The following CALD1 variants were observed in gnomAD, a reference collection of about 807,000 sequenced individuals.
CALD1 encodes caldesmon.
Under a neutral mutation model 99.9 loss-of-function variants are expected in CALD1, and 33 were observed. The ratio of observed to expected loss-of-function variants is 0.33; its 90% CI spans 0.25 to 0.44. The LOEUF is 0.44. CALD1 is among the 20% of genes least tolerant of loss of function. The pLI is 1.00. For missense variants in CALD1, 861 were observed against 962.1 expected (o/e 0.89, Z 1.39); for synonymous variants, 310 against 325.0 (o/e 0.95, Z 0.50).
At chr7:134,789,847 C>T (rs1303669111) in intron 1 of CALD1, among the ~76,000 whole-genome samples, 1 of 152,112 alleles carries the variant, frequency 6.6e-6, no homozygotes, top group East Asian at 1.9e-4. Flanking sequence ...GCACGAACCT[C>T]GCTGCTCTAC....
intron 3 of CALD1, among the ~76,000 whole-genome samples, chr7:134,910,228 G>GT (rs1410701246): frequency 2.7e-4 from 41 of 152,284 alleles, no homozygotes; most frequent in African/African-American, 9.9e-4. Flanking sequence ...TACCAAGTAG[G>GT]TTAAACTAAC....
intron 1 of CALD1, among the ~76,000 whole-genome samples, chr7:134,770,033 T>G (rs1796864295): frequency 6.6e-6 from 1 of 152,202 alleles, no homozygotes; most frequent in Admixed American, 6.5e-5. Context: ...TGAACAGAAA[T>G]TTTTATTTCT....
In CALD1 at chr7:134,769,209, C is replaced by T. The variant is rs188310573; in HGVS notation, c.-130+24846C>T. ...TGTTTTTACTACTGCAAACAATGCT[C>T]GAATGAGCTTCCTTTGACATGTCTC... is the stretch of plus-strand genomic sequence containing the variant. On this transcript the variant is annotated intron_variant, in intron 1 of 13. Coordinates refer to the CALD1 transcript ENST00000417172. 2.7e-3 allele frequency among the ~76,000 whole-genome samples: 414 copies of T among 152,124 alleles called. 3 individuals are homozygous for T. Among genetic ancestry groups the T allele is most frequent in the Non-Finnish European group, 3.0e-3 (202 of 68,010 alleles).
intron 1 of CALD1, among the ~76,000 whole-genome samples, chr7:134,814,664 C>T (rs1055981812): frequency 1.3e-5 from 2 of 152,106 alleles, no homozygotes; most frequent in African/African-American, 4.8e-5. Context: ...TATTCCATAC[C>T]TTGTTTAATG....
intron 1 of CALD1, among the ~76,000 whole-genome samples, chr7:134,821,642 G>GTGTGA (rs1798786119): frequency 8.9e-6 from 1 of 112,474 alleles, no homozygotes; most frequent in Non-Finnish European, 1.9e-5. Flanking sequence ...GAGTGCAATG[G>GTGTGA]CACAATCTTG....
Position 134,965,396 on chromosome 7 carries a change from T to C in CALD1, c.2376+10T>C, listed in dbSNP as rs188104536. On this transcript the variant is annotated intron_variant, in intron 14 of 14. Coordinates refer to ENST00000361675, the MANE Select transcript of CALD1 (RefSeq NM_033138.4). ...CACTTCCCCCACTAAGGTAATCTATTGGGAAGACTAGTATTTCAGAGGTTT... is the reference window on the plus strand; with the variant it reads ...CACTTCCCCCACTAAGGTAATCTATCGGGAAGACTAGTATTTCAGAGGTTT... The C allele has an allele frequency of 9.3e-5, 123 of 1,317,474 alleles. No homozygotes were observed. The African/African-American group carries it at 1.6e-3, about 17-fold the overall frequency. 81.6% of individuals were successfully genotyped at this position (1,317,474 alleles called of 1,614,324 possible).
chr7:134,954,577 A>G (rs187348617), intron 9 of CALD1, among the ~76,000 whole-genome samples: 11 of 152,340 alleles, frequency 7.2e-5, no homozygotes, highest in East Asian at 1.9e-4. Context: ...AAGTCAGGCT[A>G]TGTTAGCTAT....
chr7:134,846,187 G>A (rs183623265), intron 2 of CALD1, among the ~76,000 whole-genome samples: 9 of 152,312 alleles, frequency 5.9e-5, no homozygotes, highest in Non-Finnish European at 1.0e-4. Context: ...GAGGCAGGTC[G>A]TTTTCAGGGT....
the CALD1 span, among the ~76,000 whole-genome samples, chr7:134,712,021 GGGAGAGAGGGAGGGAA>G: frequency 2.7e-4 from 34 of 126,820 alleles, no homozygotes; most frequent in Non-Finnish European, 4.2e-4. Context: ...GAGGGAAGGA[GGGAGAGAGGGAGGGAA>G]GGAGGGAGAG....
At chr7:134,747,308 G>A (rs1796643300) in intron 1 of CALD1, among the ~76,000 whole-genome samples, 1 of 152,124 alleles carries the variant, frequency 6.6e-6, no homozygotes, top group African/African-American at 2.4e-5. Flanking sequence ...CTCAGAGGAT[G>A]TTTCATACTA....
intron 1 of CALD1, among the ~76,000 whole-genome samples, chr7:134,803,149 G>A (rs1342219394): frequency 1.3e-5 from 2 of 152,006 alleles, no homozygotes; most frequent in Admixed American, 6.6e-5. Context: ...AATGATATTC[G>A]GCATATTTTT....
At chr7:134,876,210 G>A (rs938431098) in intron 3 of CALD1, among the ~76,000 whole-genome samples, 1 of 152,116 alleles carries the variant, frequency 6.6e-6, no homozygotes, top group African/African-American at 2.4e-5. Context: ...CCTGGGGGCC[G>A]ATGCCTTCTG....
At chr7:134,747,303 A>T (rs1200704855) in intron 1 of CALD1, among the ~76,000 whole-genome samples, 1 of 152,202 alleles carries the variant, frequency 6.6e-6, no homozygotes, top group Non-Finnish European at 1.5e-5. Context: ...CCAGCCTCAG[A>T]GGATGTTTCA....
intron 8 of CALD1, among the ~76,000 whole-genome samples, chr7:134,949,963 T>C (rs1223673371): frequency 2.0e-5 from 3 of 152,114 alleles, no homozygotes; most frequent in Admixed American, 2.0e-4. Context: ...GTTTACGAAT[T>C]TGTGTTAGGC....
chr7:134,835,036 A>G (rs1799377764), intron 1 of CALD1, among the ~76,000 whole-genome samples: 1 of 152,188 alleles, frequency 6.6e-6, no homozygotes, highest in Non-Finnish European at 1.5e-5. Flanking sequence ...TCTAGTGCAA[A>G]GGCCTCTGTA....
At chr7:134,829,616 A>G (rs1799140022) in intron 1 of CALD1, among the ~76,000 whole-genome samples, 1 of 152,202 alleles carries the variant, frequency 6.6e-6, no homozygotes, top group African/African-American at 2.4e-5. Context: ...AGGAAGCTGG[A>G]GAGGCAGGCT....
At chr7:134,942,521 T>A (rs979254501) in intron 7 of CALD1, among the ~76,000 whole-genome samples, 2 of 152,206 alleles carry the variant, frequency 1.3e-5, no homozygotes, top group Non-Finnish European at 2.9e-5. Flanking sequence ...TCTATAGATA[T>A]TACTTGGGAT....
intron 1 of CALD1, among the ~76,000 whole-genome samples, chr7:134,746,252 T>A (rs546186615): frequency 3.3e-5 from 5 of 152,176 alleles, no homozygotes; most frequent in African/African-American, 4.8e-5. Context: ...GGGAATGGGC[T>A]GAAGAGAGAC....
chr7:134,754,010 G>A (rs576187332), intron 1 of CALD1, among the ~76,000 whole-genome samples: 1 of 152,302 alleles, frequency 6.6e-6, no homozygotes, highest in Admixed American at 6.5e-5. Context: ...GGAGGCTGGG[G>A]ACATCTCCAC....
Sources: gnomAD v4.1 joint callset for allele counts (sites outside exome capture counted in the v4.1 genomes callset) on GRCh38, gnomAD v4.1.1 for gene constraint, MANE v1.5 for transcripts, NCBI Gene and HGNC (gene_info 2026-07-23, HGNC 2026-07-21) for gene names.